Variants in NETO1 observed in about 807,000 individuals in gnomAD.
The protein encoded by NETO1 is neuropilin and tolloid-like protein 1.
NETO1 carries 26 observed loss-of-function variants against 61.3 expected under a neutral mutation model. That is an observed-to-expected ratio of 0.42 (90% CI 0.31 to 0.59). The LOEUF (loss-of-function observed/expected upper bound fraction) is 0.59, where lower values mean the gene tolerates loss of function less well. NETO1 is among the 20% of genes least tolerant of loss of function. NETO1 has a pLI of 0.12. For synonymous variants in NETO1, 225 were observed against 225.8 expected, an observed-to-expected ratio of 1.00 and a Z score of 0.03; for missense variants, 531 against 662.8, an observed-to-expected ratio of 0.80 and a Z score of 2.18.
chr18:72,866,553 T>C (rs1185765591), intron 1 of NETO1, among the ~76,000 whole-genome samples: 3 of 152,184 alleles, frequency 2.0e-5, no homozygotes, highest in Admixed American at 1.3e-4. Context: ...AATCACATTA[T>C]AGACCACGTA....
In NETO1 at chr18:72,766,609, T is replaced by C. The variant is rs542363990; in HGVS notation, c.869-10462A>G. On this transcript the variant is annotated intron_variant, in intron 7 of 10. Coordinates refer to ENST00000327305, the MANE Select transcript of NETO1 (RefSeq NM_138966.5). ...GAAAATATCCAGTATTATCAAGATG[T>C]ACATATATTAATCTGTTTTTATACA... Among the ~76,000 whole-genome samples the C allele has an allele frequency of 5.3e-5, 8 of 152,312 alleles. No homozygotes were observed. The East Asian group carries it at 1.5e-3, about 29-fold the overall frequency.
chr18:72,829,566 T>C (rs987368944), intron 4 of NETO1, among the ~76,000 whole-genome samples: 1 of 152,210 alleles, frequency 6.6e-6, no homozygotes, highest in East Asian at 1.9e-4. Context: ...TAAATGTATA[T>C]CACATTAGGT....
chr18:72,754,560 C>CA (rs2070725122), intron 8 of NETO1, among the ~76,000 whole-genome samples: 1 of 151,972 alleles, frequency 6.6e-6, no homozygotes. Context: ...TAACTCAAGA[C>CA]AAAAAACTGC....
rs569330452 is a variant in NETO1, at chr18:72,745,954, T to G, written c.*2225A>C. ...GTTGTTTTCCCATGAAGCTGCTGTG[T>G]GTTAAATATATGTGAGCTATTCATT... On this transcript the variant is annotated 3_prime_UTR_variant, in exon 11 of 11. Coordinates refer to ENST00000327305, the MANE Select transcript of NETO1 (RefSeq NM_138966.5). 6.6e-6 allele frequency: 1 copy of G among 152,336 alleles called. No homozygotes were observed. Among genetic ancestry groups the G allele is most frequent in the African/African-American group, 2.4e-5 (1 of 41,588 alleles). The allele number at this position is 152,336 out of a possible 1,614,324, so 9.4% of individuals were successfully genotyped here. A position where few individuals can be genotyped will look rare whatever the true frequency, so the allele number is the denominator to read the frequency against.
At chr18:72,782,977 G>A (rs999954626) in intron 7 of NETO1, among the ~76,000 whole-genome samples, 3 of 152,134 alleles carry the variant, frequency 2.0e-5, no homozygotes, top group African/African-American at 7.2e-5. Flanking sequence ...GTCTGTTCAT[G>A]TCACAAGGTA....
At chr18:72,865,538 G>A (rs776633753) in intron 1 of NETO1, 2 of 1,599,510 alleles carry the variant, frequency 1.3e-6, no homozygotes, top group Non-Finnish European at 1.7e-6. Context: ...ACACAGTACA[G>A]TGGGACTACA....
chr18:72,846,195 G>A (rs950555845), intron 4 of NETO1, among the ~76,000 whole-genome samples: 4 of 151,412 alleles, frequency 2.6e-5, no homozygotes, highest in African/African-American at 9.7e-5. Context: ...AAGAGGCACA[G>A]CCTAGGAGTT....
intron 4 of NETO1, among the ~76,000 whole-genome samples, chr18:72,832,506 G>T (rs1050143219): frequency 6.6e-6 from 1 of 152,076 alleles, no homozygotes. Context: ...TTAAAAAATA[G>T]CCAAGTAGTC....
intron 3 of NETO1, among the ~76,000 whole-genome samples, chr18:72,863,275 A>C (rs1599192829): frequency 6.6e-6 from 1 of 152,262 alleles, no homozygotes; most frequent in South Asian, 2.1e-4. Context: ...ATAGCTCTGA[A>C]CTTCCGCATA....
intron 4 of NETO1, among the ~76,000 whole-genome samples, chr18:72,833,199 A>G (rs568382470): frequency 1.4e-4 from 22 of 152,306 alleles, no homozygotes; most frequent in Non-Finnish European, 2.5e-4. Context: ...CATACAAAAC[A>G]GCTTTCCCAA....
At chr18:72,850,696 A>G (rs2074222006) in intron 4 of NETO1, among the ~76,000 whole-genome samples, 1 of 152,208 alleles carries the variant, frequency 6.6e-6, no homozygotes, top group Admixed American at 6.5e-5. Flanking sequence ...TGAAAGTTCA[A>G]AATGGAGATT....
chr18:72,755,980 T>TAC, intron 8 of NETO1, 54 bp downstream of exon 8: 1 of 878,954 alleles, frequency 1.1e-6, no homozygotes, highest in Non-Finnish European at 1.9e-6. Context: ...TATAAACTTC[T>TAC]ACCCCACTCC....
At chr18:72,776,206 C>A (rs2071541360) in intron 7 of NETO1, among the ~76,000 whole-genome samples, 1 of 152,086 alleles carries the variant, frequency 6.6e-6, no homozygotes, top group South Asian at 2.1e-4. Flanking sequence ...AGCTGAAAAA[C>A]CTGAGGGACG....
chr18:72,830,041 T>C lies in NETO1; in HGVS notation c.469+28785A>G, dbSNP rs996283022. On this transcript the variant is annotated intron_variant, in intron 4 of 10. Transcript: ENST00000327305. The surrounding 1 kb of genome is among the most constrained non-coding windows in gnomAD (Gnocchi z 4.9). ...AAATAAAGGTTCAAGATAAAGGGAT[T>C]TGGGGTGGATCATAGTGTGTGTCTG... 1.3e-5 allele frequency among the ~76,000 whole-genome samples: 2 copies of C among 152,124 alleles called. No individual in the cohort carries two copies. Among genetic ancestry groups the C allele is most frequent in the Non-Finnish European group, 2.9e-5 (2 of 68,010 alleles).
At chr18:72,846,504 CAAAAAAAAAAAAAA>C (rs35252443) in intron 4 of NETO1, among the ~76,000 whole-genome samples, 4 of 13,004 alleles carry the variant, frequency 3.1e-4, no homozygotes, top group African/African-American at 6.1e-4. Flanking sequence ...GACTTCATCT[CAAAAAAAAAAAAAA>C]AAAAAAAAAA....
At position 72,777,469 on chromosome 18, in the gene NETO1, C is replaced by G. The variant is rs975389177; in HGVS notation, c.868+6209G>C. 3.3e-5 allele frequency among the ~76,000 whole-genome samples: 5 copies of G among 149,354 alleles called. No individual in the cohort carries two copies. The East Asian group carries it at 9.9e-4, about 30-fold the overall frequency. On this transcript the variant is annotated intron_variant, in intron 7 of 10. Transcript: ENST00000327305. ...AAAAAAAAACAAAAAAGGCCGGGCG[C>G]GGTGGCTCATGCCTGTAATCCCAGC...
At chr18:72,795,779 G>A (rs571514518) in intron 4 of NETO1, among the ~76,000 whole-genome samples, 8 of 152,134 alleles carry the variant, frequency 5.3e-5, no homozygotes, top group Admixed American at 2.0e-4. Flanking sequence ...CTACATTCTG[G>A]CAATTTTCAA....
At chr18:72,864,211 A>G (rs2074666253) in intron 3 of NETO1, among the ~76,000 whole-genome samples, 1 of 152,196 alleles carries the variant, frequency 6.6e-6, no homozygotes, top group African/African-American at 2.4e-5. Context: ...GAAACGTTCA[A>G]AGAGAAGTCT....
chr18:72,830,427 C>A lies in NETO1; in HGVS notation c.469+28399G>T, dbSNP rs1419633087. On this transcript the variant is annotated intron_variant, in intron 4 of 10. Coordinates refer to ENST00000327305, the MANE Select transcript of NETO1 (RefSeq NM_138966.5). This position sits in a 1 kb window ranked among gnomAD's most constrained non-coding sequence, Gnocchi z 4.9. ...TGTTTTCAGAAAAATTTTGTGAGAT[C>A]ACCTTTGCTGGGCGGTGAAAGGGAC... Among the ~76,000 whole-genome samples the A allele has an allele frequency of 6.6e-6, 1 of 152,224 alleles. No homozygotes were observed. The highest frequency in any genetic ancestry group is 1.9e-4 in the East Asian group (1 of 5,174).
Sources: gnomAD v4.1 joint callset for allele counts (sites outside exome capture counted in the v4.1 genomes callset) on GRCh38, gnomAD v4.1.1 for gene constraint, Gnocchi (gnomAD v3.1) non-coding constraint, MANE v1.5 for transcripts, NCBI Gene and HGNC (gene_info 2026-07-23, HGNC 2026-07-21) for gene names.